EPS15L1: variants seen among roughly 807,000 people sequenced by gnomAD.
EPS15L1 encodes epidermal growth factor receptor pathway substrate 15 like 1, also known as epidermal growth factor receptor substrate 15-like 1.
Under a neutral mutation model 117.1 loss-of-function variants are expected in EPS15L1, and 43 were observed. The observed-to-expected ratio is 0.37, with a 90% CI of 0.29 to 0.47. EPS15L1 has a LOEUF of 0.47. EPS15L1 is among the 20% of genes least tolerant of loss of function. The probability of loss-of-function intolerance (pLI) is 0.99; values close to 1 mark genes in which losing one functional copy is unlikely to be tolerated. For missense variants in EPS15L1, 981 were observed against 1,164.0 expected (o/e 0.84, Z 2.29); for synonymous variants, 459 against 470.5 (o/e 0.98, Z 0.32).
rs964650144 is a variant in EPS15L1 at position 16,405,197 on chromosome 19, C to T, written c.1267-448G>A. Among the ~76,000 whole-genome samples the T allele has an allele frequency of 2.0e-5, 3 of 152,174 alleles. No homozygotes were observed. Among genetic ancestry groups the T allele is most frequent in the Admixed American group, 1.3e-4 (2 of 15,282 alleles). Reference sequence around the variant, plus strand: ...ATTTAGGATGGGGCCAACAGGTGAGCAGGTGCCAGGCAGGTGAAGAGCCAG... The same window carrying T: ...ATTTAGGATGGGGCCAACAGGTGAGTAGGTGCCAGGCAGGTGAAGAGCCAG... On this transcript the variant is annotated intron_variant, in intron 13 of 23. Transcript: ENST00000455140. The surrounding 1 kb of genome is among the most constrained non-coding windows in gnomAD (Gnocchi z 4.0).
chr19:16,460,047 G>A (rs1448194837), intron 1 of EPS15L1, among the ~76,000 whole-genome samples: 1 of 152,236 alleles, frequency 6.6e-6, no homozygotes, highest in Admixed American at 6.5e-5. Context: ...GATTAAGGCA[G>A]GAGGATCCCT....
intron 1 of EPS15L1, among the ~76,000 whole-genome samples, chr19:16,453,758 C>A (rs1354543322): frequency 6.6e-6 from 1 of 151,826 alleles, no homozygotes; most frequent in Non-Finnish European, 1.5e-5. Flanking sequence ...ATGTTCACTA[C>A]CAGGGTGACA....
intron 11 of EPS15L1, 56 bp downstream of exon 11, chr19:16,417,892 T>C: frequency 6.4e-7 from 1 of 1,570,212 alleles, no homozygotes; most frequent in Non-Finnish European, 8.6e-7. Context: ...TGCCACCTGG[T>C]GGCAGGCGGT....
chr19:16,374,382 G>A (rs904992267), intron 22 of EPS15L1, among the ~76,000 whole-genome samples: 2 of 152,208 alleles, frequency 1.3e-5, no homozygotes, highest in African/African-American at 4.8e-5. Flanking sequence ...TGTGCCACGA[G>A]TAAAGGAGCC....
chr19:16,396,638 C>T (rs1328370473), intron 16 of EPS15L1, among the ~76,000 whole-genome samples: 1 of 152,072 alleles, frequency 6.6e-6, no homozygotes, highest in Non-Finnish European at 1.5e-5. Flanking sequence ...TGAGTGGAAG[C>T]AACTCAAATG....
At position 16,418,008 on chromosome 19, in the gene EPS15L1, G is replaced by A; in HGVS notation, c.1047C>T (p.Asp349=). Residue 349 remains aspartate (D), a synonymous_variant, in exon 11 of 24, where the codon GAC becomes GAT. Transcript: ENST00000455140. The stretch of plus-strand genomic sequence containing the variant: ...TGTCCGGCGAGAGGACTTGAGGAGG[G>A]TCGATGCCTTTACTGACCTTCTGCT... The part of the protein sequence containing the change: ...FIQQKVSKGI[D]PPQVLSPDMV... 4 of 1,614,224 alleles carry A rather than the reference G, an allele frequency of 2.5e-6. No homozygotes were observed. The highest frequency in any genetic ancestry group is 3.4e-6 in the Non-Finnish European group (4 of 1,180,038).
At position 16,471,889 on chromosome 19, in the gene EPS15L1, C is replaced by T. The variant is rs994038499; in HGVS notation, c.33+24G>A. ...CCTCGCGCCCCGCACCCCGGCGCCGCCCCCAGGCCCGCCCGGCCCGTACCT... is the reference window on the plus strand; with the variant it reads ...CCTCGCGCCCCGCACCCCGGCGCCGTCCCCAGGCCCGCCCGGCCCGTACCT... On this transcript the variant is annotated intron_variant, in intron 1 of 23. Coordinates refer to ENST00000455140, the MANE Select transcript of EPS15L1 (RefSeq NM_001258374.3). This position sits in a 1 kb window ranked among gnomAD's most constrained non-coding sequence, Gnocchi z 4.8. 7 of 1,289,302 alleles carry T rather than the reference C, an allele frequency of 5.4e-6. No homozygotes were observed. In the African/African-American group the frequency reaches 7.8e-5, roughly 14 times the overall value. 79.9% of individuals were successfully genotyped at this position (1,289,302 alleles called of 1,614,324 possible).
intron 6 of EPS15L1, among the ~76,000 whole-genome samples, chr19:16,436,235 G>A (rs2092977029): frequency 6.6e-6 from 1 of 152,196 alleles, no homozygotes; most frequent in Admixed American, 6.5e-5. Context: ...TGTTATTCAT[G>A]TCAGGATTTA....
Position 16,404,552 on chromosome 19 carries a change from G to T in EPS15L1, c.1428+36C>A. ...GAGTCCTTGGGAAGCCCCTGCCTGTGCATAGGGCGCTGCCCCGGAGGTGGC... is the reference window on the plus strand; with the variant it reads ...GAGTCCTTGGGAAGCCCCTGCCTGTTCATAGGGCGCTGCCCCGGAGGTGGC... On this transcript the variant is annotated intron_variant, in intron 14 of 23. Transcript: ENST00000455140. The surrounding 1 kb of genome is among the most constrained non-coding windows in gnomAD (Gnocchi z 4.2). The T allele has an allele frequency of 6.2e-7, 1 of 1,611,880 alleles. No homozygotes were observed. Among genetic ancestry groups the T allele is most frequent in the Non-Finnish European group, 8.5e-7 (1 of 1,178,842 alleles).
chr19:16,382,097 A>G (rs538566853), intron 21 of EPS15L1, among the ~76,000 whole-genome samples: 2 of 152,288 alleles, frequency 1.3e-5, no homozygotes, highest in South Asian at 4.1e-4. Context: ...CTAACCCTCC[A>G]GGCTGACCGG....
intron 18 of EPS15L1, 85 bp from the exon 19 acceptor site, chr19:16,392,525 T>C: frequency 7.6e-7 from 1 of 1,313,672 alleles, no homozygotes; most frequent in Non-Finnish European, 1.1e-6. Flanking sequence ...AATGATGCCG[T>C]TTACATGAAA....
chr19:16,402,165 G>C, intron 16 of EPS15L1, 156 bp downstream of exon 16: 1 of 1,428,232 alleles, frequency 7.0e-7, no homozygotes, highest in Non-Finnish European at 9.2e-7. Flanking sequence ...TGCAAGGCCT[G>C]GTGTGAACGC....
chr19:16,413,008 A>G, intron 13 of EPS15L1: 3 of 717,200 alleles, frequency 4.2e-6, no homozygotes, highest in Non-Finnish European at 7.4e-6. Context: ...CTCAAGGATG[A>G]GGTTTTGAAG....
chr19:16,419,569 C>A (rs2092794465), intron 10 of EPS15L1, among the ~76,000 whole-genome samples: 1 of 152,214 alleles, frequency 6.6e-6, no homozygotes. Flanking sequence ...CCATGCTGCC[C>A]TCTCAACGAG....
intron 8 of EPS15L1, among the ~76,000 whole-genome samples, chr19:16,427,162 G>T (rs952044703): frequency 6.6e-6 from 1 of 152,120 alleles, no homozygotes; most frequent in Non-Finnish European, 1.5e-5. Flanking sequence ...TGACTGAAGA[G>T]TTTTCAAAAG....
At chr19:16,387,064 A>G (rs964161728) in intron 19 of EPS15L1, among the ~76,000 whole-genome samples, 4 of 152,250 alleles carry the variant, frequency 2.6e-5, no homozygotes, top group Non-Finnish European at 5.9e-5. Context: ...TGAGACAGGG[A>G]CAACGTAAAA....
intron 8 of EPS15L1, among the ~76,000 whole-genome samples, chr19:16,427,621 G>T (rs997328487): frequency 6.6e-6 from 1 of 152,146 alleles, no homozygotes; most frequent in African/African-American, 2.4e-5. Context: ...GCTGGGTGTG[G>T]TGTCTCATGC....
chr19:16,380,813 CTCTGGCAGCTAGTT>C (rs2092353232), intron 21 of EPS15L1, among the ~76,000 whole-genome samples: 1 of 152,268 alleles, frequency 6.6e-6, no homozygotes, highest in African/African-American at 2.4e-5. Flanking sequence ...CCACCTGTGT[CTCTGGCAGCTAGTT>C]ATAGAGATGC....
intron 1 of EPS15L1, among the ~76,000 whole-genome samples, chr19:16,464,819 C>G (rs1224545572): frequency 6.6e-6 from 1 of 152,152 alleles, no homozygotes; most frequent in Non-Finnish European, 1.5e-5. Flanking sequence ...CATGGTGGCT[C>G]ACGCCTGTAA....
Sources: gnomAD v4.1 joint callset for allele counts (sites outside exome capture counted in the v4.1 genomes callset) on GRCh38, gnomAD v4.1.1 for gene constraint, Gnocchi (gnomAD v3.1) non-coding constraint, MANE v1.5 for transcripts, NCBI Gene and HGNC (gene_info 2026-07-23, HGNC 2026-07-21) for gene names.